The following UBE2O variants were observed in gnomAD, a reference collection of about 807,000 sequenced individuals.
UBE2O encodes ubiquitin conjugating enzyme E2 O.
UBE2O carries 15 observed loss-of-function variants against 125.8 expected under a neutral mutation model. The ratio of observed to expected loss-of-function variants is 0.12; its 90% confidence interval spans 0.08 to 0.18. The LOEUF is 0.18. Among genes scored for constraint, UBE2O ranks in the 10% least tolerant of loss-of-function variants. The pLI is 1.00. For synonymous variants in UBE2O, 708 were observed against 703.2 expected (o/e 1.01, Z -0.11); for missense variants, 1,280 against 1,723.6 (o/e 0.74, Z 4.56).
In UBE2O at chr17:76,396,415, G is replaced by A. The variant is rs776351322; in HGVS notation, c.2522C>T (p.Thr841Ile). The A allele has an allele frequency of 4.3e-6, 7 of 1,614,070 alleles. No individual in the cohort carries two copies. The African/African-American group carries it at 9.3e-5, about 22-fold the overall frequency. The change falls in exon 14 of 18, where the codon ACT becomes ATT. Residue 841 changes from threonine to isoleucine, a missense_variant. This residue lies in a region of UBE2O where 210 missense variants were observed against 268.9 expected (regional missense o/e 0.78). Transcript: ENST00000319380. The surrounding 1 kb of genome is among the most constrained non-coding windows in gnomAD (Gnocchi z 6.7). Reference sequence around the variant, plus strand: ...CCGAGTTGGCTTCTCAGGCTCCACAGTCGGAGAGGTGGGCGAGCCCGTCAG... The same window carrying A: ...CCGAGTTGGCTTCTCAGGCTCCACAATCGGAGAGGTGGGCGAGCCCGTCAG... Reference protein sequence around the residue: ...QLLTGSPTSPTVEPEKPTREK... With the variant: ...QLLTGSPTSPIVEPEKPTREK...
intron 1 of UBE2O, among the ~76,000 whole-genome samples, chr17:76,422,925 A>G (rs1280248347): frequency 6.6e-6 from 1 of 152,230 alleles, no homozygotes; most frequent in Non-Finnish European, 1.5e-5. Flanking sequence ...CAGCTGAAGG[A>G]AAAGCCATGG....
Position 76,400,587 on chromosome 17 carries a change from G to A in UBE2O, c.895-37C>T. 1 of 1,452,418 alleles carries A rather than the reference G, an allele frequency of 6.9e-7. No homozygotes were observed. The highest frequency in any genetic ancestry group is 1.9e-5 in the Admixed American group (1 of 53,262). The allele number at this position is 1,452,418 out of a possible 1,614,324, so 90.0% of individuals were successfully genotyped here. A position where few individuals can be genotyped will look rare whatever the true frequency, so the allele number is the denominator to read the frequency against. Reference sequence around the variant, plus strand: ...AGGTGGGACACGCCAGTCAGGGCAGGCTCTGACAGCACTCTCTTTAGCCAG... The same window carrying A: ...AGGTGGGACACGCCAGTCAGGGCAGACTCTGACAGCACTCTCTTTAGCCAG... On this transcript the variant is annotated intron_variant, in intron 6 of 17. Coordinates refer to ENST00000319380, the MANE Select transcript of UBE2O (RefSeq NM_022066.4). The surrounding 1 kb of genome is among the most constrained non-coding windows in gnomAD (Gnocchi z 4.3).
chr17:76,420,868 C>T (rs558254633), intron 1 of UBE2O, among the ~76,000 whole-genome samples: 1 of 152,080 alleles, frequency 6.6e-6, no homozygotes, highest in African/African-American at 2.4e-5. Flanking sequence ...TTGGCAGGGA[C>T]GGCCTTGTCA....
In UBE2O at chr17:76,400,385, C is replaced by A; in HGVS notation, c.1004+56G>T. The A allele has an allele frequency of 6.3e-7, 1 of 1,593,736 alleles. No homozygotes were observed. Among genetic ancestry groups the A allele is most frequent in the Non-Finnish European group, 8.6e-7 (1 of 1,167,194 alleles). ...AGCCTCCCCAGGCATGTGACCAGGG[C>A]CCAGAGCCCTGTCCCACGCGTGCCC... is the stretch of plus-strand genomic sequence containing the variant. On this transcript the variant is annotated intron_variant, in intron 7 of 17. Transcript: ENST00000319380. The surrounding 1 kb of genome is among the most constrained non-coding windows in gnomAD (Gnocchi z 4.3).
intron 1 of UBE2O, among the ~76,000 whole-genome samples, chr17:76,406,564 A>G (rs1189904094): frequency 6.6e-6 from 1 of 151,878 alleles, no homozygotes; most frequent in Non-Finnish European, 1.5e-5. Flanking sequence ...AATGCTGGCA[A>G]TGACAACTAA....
At chr17:76,416,363 T>C (rs978609687) in intron 1 of UBE2O, among the ~76,000 whole-genome samples, 4 of 152,126 alleles carry the variant, frequency 2.6e-5, no homozygotes, top group Non-Finnish European at 5.9e-5. Flanking sequence ...TGCCTGGGAA[T>C]CATCTGAAAA....
At chr17:76,431,548 T>C (rs2072908278) in intron 1 of UBE2O, among the ~76,000 whole-genome samples, 1 of 152,104 alleles carries the variant, frequency 6.6e-6, no homozygotes, top group Non-Finnish European at 1.5e-5. Context: ...AATTCAAAAA[T>C]TAGCCATCCT....
intron 13 of UBE2O, among the ~76,000 whole-genome samples, chr17:76,397,201 G>C (rs948365905): frequency 6.6e-6 from 1 of 152,344 alleles, no homozygotes; most frequent in African/African-American, 2.4e-5. Flanking sequence ...TGGGGAGCTG[G>C]GAACATATGA....
rs1024814061 is a variant in UBE2O, at chr17:76,402,353, G to C, written c.687-226C>G. On this transcript the variant is annotated intron_variant, in intron 4 of 17. Transcript: ENST00000319380. This position sits in a 1 kb window ranked among gnomAD's most constrained non-coding sequence, Gnocchi z 5.4. The stretch of plus-strand genomic sequence containing the variant: ...TCACAGTGCCTCAAGTAAAGCATCA[G>C]CCTCTAGCAGATATCCTCAGTGAAA... Among the ~76,000 whole-genome samples, 3 of 152,162 alleles carry C rather than the reference G, an allele frequency of 2.0e-5. No individual in the cohort carries two copies. Among genetic ancestry groups the C allele is most frequent in the African/African-American group, 7.2e-5 (3 of 41,438 alleles).
chr17:76,429,808 T>C (rs1160590271), intron 1 of UBE2O, among the ~76,000 whole-genome samples: 1 of 152,162 alleles, frequency 6.6e-6, no homozygotes, highest in Non-Finnish European at 1.5e-5. Flanking sequence ...TGGGATTTGC[T>C]CTTTTAGTGT....
chr17:76,419,283 C>CAAAAA (rs35062714), intron 1 of UBE2O, among the ~76,000 whole-genome samples: 4 of 63,272 alleles, frequency 6.3e-5, no homozygotes, highest in South Asian at 6.2e-4. Flanking sequence ...GACCCTATCT[C>CAAAAA]AAAAAAAAAA....
Position 76,398,426 on chromosome 17 carries a change from C to T in UBE2O, c.1897-43G>A, listed in dbSNP as rs2072255127. 1 of 1,613,890 alleles carries T rather than the reference C, an allele frequency of 6.2e-7. No homozygotes were observed. Among genetic ancestry groups the T allele is most frequent in the African/African-American group, 1.3e-5 (1 of 74,840 alleles). ...TTGTCATGAGCTAGGGGTCCTACAC[C>T]CAACCCCAGAGCCCACCTGAAGCAA... On this transcript the variant is annotated intron_variant, in intron 11 of 17. Transcript: ENST00000319380. The surrounding 1 kb of genome is among the most constrained non-coding windows in gnomAD (Gnocchi z 5.4).
intron 5 of UBE2O, among the ~76,000 whole-genome samples, 177 bp from the exon 6 acceptor site, chr17:76,401,331 G>A (rs1342824765): frequency 2.6e-5 from 4 of 152,188 alleles, no homozygotes; most frequent in African/African-American, 7.2e-5. Flanking sequence ...CCCTGGGTCC[G>A]CAGAGGTCAT....
chr17:76,447,008 C>G (rs1282778389), intron 1 of UBE2O, among the ~76,000 whole-genome samples: 3 of 152,214 alleles, frequency 2.0e-5, no homozygotes, highest in Admixed American at 2.0e-4. Context: ...CGTCCTGCTC[C>G]CTACCCATCA....
Position 76,395,876 on chromosome 17 carries a change from A to T in UBE2O, c.2810-15T>A. On this transcript the variant is annotated splice_polypyrimidine_tract_variant and intron_variant, in intron 14 of 17. Transcript: ENST00000319380. The surrounding 1 kb of genome is among the most constrained non-coding windows in gnomAD (Gnocchi z 5.0). ...AGAATGATTTGCTAGAGGGGGGAAG[A>T]GAATAGTCAGTCCCTCATGGAGAGG... is the stretch of plus-strand genomic sequence containing the variant. The T allele has an allele frequency of 6.2e-7, 1 of 1,614,012 alleles. No homozygotes were observed. The highest frequency in any genetic ancestry group is 8.5e-7 in the Non-Finnish European group (1 of 1,180,038).
chr17:76,417,419 T>C (rs1242525031), intron 1 of UBE2O, among the ~76,000 whole-genome samples: 1 of 152,222 alleles, frequency 6.6e-6, no homozygotes. Context: ...TATGGGCACA[T>C]CAGGATTTAA....
rs7207792 is a variant in UBE2O at position 76,442,157 on chromosome 17, T to C, written c.417+10568A>G. On this transcript the variant is annotated intron_variant, in intron 1 of 17. Coordinates refer to ENST00000319380, the MANE Select transcript of UBE2O (RefSeq NM_022066.4). ...ACAGGTGACACCAGCTCTAGCTAGC[T>C]CTAGCCTAGTCCACAATGCACGTAG... Among the ~76,000 whole-genome samples the C allele has an allele frequency of 8.8e-3, 1,341 of 152,298 alleles. 24 individuals carry two copies. Among genetic ancestry groups the C allele is most frequent in the African/African-American group, 0.03 (1,231 of 41,562 alleles).
chr17:76,426,659 T>G (rs1470239850), intron 1 of UBE2O, among the ~76,000 whole-genome samples: 1 of 152,340 alleles, frequency 6.6e-6, no homozygotes, highest in South Asian at 2.1e-4. Flanking sequence ...TCAATATCCC[T>G]CCTACACTTC....
chr17:76,438,017 C>A (rs1043894831), intron 1 of UBE2O, among the ~76,000 whole-genome samples: 1 of 152,138 alleles, frequency 6.6e-6, no homozygotes, highest in Non-Finnish European at 1.5e-5. Context: ...TCTCCCTCCC[C>A]ACTCCTCTGT....
Sources: gnomAD v4.1 joint callset for allele counts (sites outside exome capture counted in the v4.1 genomes callset) on GRCh38, gnomAD v4.1.1 for gene constraint, gnomAD v4.1.1 regional missense constraint, Gnocchi (gnomAD v3.1) non-coding constraint, MANE v1.5 for transcripts, NCBI Gene and HGNC (gene_info 2026-07-23, HGNC 2026-07-21) for gene names.